BEND4: variants seen among roughly 807,000 people sequenced by gnomAD.
BEND4 encodes the protein BEN domain-containing protein 4.
In BEND4, 27 loss-of-function variants were observed where a neutral mutation model predicts 54.7. The observed-to-expected ratio is 0.49, with a 90% CI of 0.36 to 0.68. The LOEUF is 0.68. Among genes scored for constraint, BEND4 ranks in the 30% least tolerant of loss-of-function variants. The probability of loss-of-function intolerance (pLI) is 0.00; values close to 1 mark genes in which losing one functional copy is unlikely to be tolerated. For missense variants in BEND4, 702 were observed against 697.2 expected (o/e 1.01, Z -0.08); for synonymous variants, 327 against 299.5 (o/e 1.09, Z -0.95).
Position 42,113,118 on chromosome 4 carries a change from T to C in BEND4, c.*4400A>G, listed in dbSNP as rs1360254977. Reference sequence around the variant, plus strand: ...TTTGCCAAACAGTTCTGGCACGTGTTGCCACATTAAACATACACCAGCAAG... The same window carrying C: ...TTTGCCAAACAGTTCTGGCACGTGTCGCCACATTAAACATACACCAGCAAG... On this transcript the variant is annotated 3_prime_UTR_variant, in exon 6 of 6. Coordinates refer to ENST00000502486, the MANE Select transcript of BEND4 (RefSeq NM_207406.4). 1.3e-5 allele frequency: 2 copies of C among 152,248 alleles called. No individual in the cohort carries two copies. Among genetic ancestry groups the C allele is most frequent in the Admixed American group, 1.3e-4 (2 of 15,292 alleles). 9.4% of individuals were successfully genotyped at this position (152,248 alleles called of 1,614,324 possible).
intron 3 of BEND4, 55 bp from the exon 4 acceptor site, chr4:42,125,729 A>G (rs962260154): frequency 8.1e-7 from 1 of 1,234,368 alleles, no homozygotes; most frequent in African/African-American, 1.5e-5. Flanking sequence ...ACATGAAAAT[A>G]AATAAATTTT....
intron 2 of BEND4, among the ~76,000 whole-genome samples, chr4:42,147,986 C>A (rs1721135719): frequency 6.6e-6 from 1 of 152,074 alleles, no homozygotes; most frequent in South Asian, 2.1e-4. Context: ...TAGTGGTAAC[C>A]TTTTGATTTT....
chr4:42,143,167 A>G (rs187948995), intron 3 of BEND4, among the ~76,000 whole-genome samples: 276 of 152,334 alleles, frequency 1.8e-3, no homozygotes, highest in African/African-American at 6.3e-3. Flanking sequence ...TATGGTGTTC[A>G]GGCCTATACA....
chr4:42,139,285 A>G (rs1214688451), intron 3 of BEND4, among the ~76,000 whole-genome samples: 1 of 152,156 alleles, frequency 6.6e-6, no homozygotes, highest in Non-Finnish European at 1.5e-5. Context: ...ATAAAATTTG[A>G]ATTCCCTACA....
intron 2 of BEND4, among the ~76,000 whole-genome samples, chr4:42,150,534 GA>G (rs1313891768): frequency 6.6e-6 from 1 of 152,192 alleles, no homozygotes; most frequent in Non-Finnish European, 1.5e-5. Context: ...TTCCACAGGA[GA>G]AAAAAATAAG....
Position 42,151,688 on chromosome 4 carries a change from A to G in BEND4, c.456T>C (p.Gly152=). The part of the protein sequence containing the change: ...AAAAAGTGGT[G]SDSASLELSA... The stretch of plus-strand genomic sequence containing the variant: ...TGAGCTCCAGGCTGGCGCTGTCGCT[A>G]CCCGTGCCGCCGGTGCCGGCGGCCG... The change falls in exon 2 of 6, where the codon GGT becomes GGC. Residue 152 remains glycine, a synonymous_variant. Transcript: ENST00000502486. The G allele has an allele frequency of 6.9e-7, 1 of 1,456,848 alleles. No homozygotes were observed. 90.2% of individuals were successfully genotyped at this position (1,456,848 alleles called of 1,614,324 possible).
rs539655962 is a variant in BEND4, at chr4:42,112,054, A to G, written c.*5464T>C. The G allele has an allele frequency of 5.1e-4, 78 of 152,334 alleles. No homozygotes were observed. Among genetic ancestry groups the G allele is most frequent in the Admixed American group, 4.3e-3 (66 of 15,292 alleles). The allele number at this position is 152,334 out of a possible 1,614,324, so 9.4% of individuals were successfully genotyped here. On this transcript the variant is annotated 3_prime_UTR_variant, in exon 6 of 6. Coordinates refer to ENST00000502486, the MANE Select transcript of BEND4 (RefSeq NM_207406.4). ...TCGACATACTTTAGTAGTTTTTAGC[A>G]ATACACAAATATCAACTCTCCCTTG...
At chr4:42,123,694 G>GAAAAAAAAAACA (rs1720147616) in intron 4 of BEND4, among the ~76,000 whole-genome samples, 1 of 50,806 alleles carries the variant, frequency 2.0e-5, no homozygotes, top group African/African-American at 7.5e-5. Flanking sequence ...CTGTAATTCA[G>GAAAAAAAAAACA]AAAAAAAAAA....
intron 2 of BEND4, among the ~76,000 whole-genome samples, chr4:42,144,971 C>T (rs1484705144): frequency 6.6e-6 from 1 of 152,146 alleles, no homozygotes; most frequent in Non-Finnish European, 1.5e-5. Context: ...GGGCACTTTT[C>T]AGAGCTGACA....
chr4:42,117,181 C>T lies in BEND4; in HGVS notation c.*337G>A, dbSNP rs916976364. 3 of 190,000 alleles carry T rather than the reference C, an allele frequency of 1.6e-5. No homozygotes were observed. The highest frequency in any genetic ancestry group is 2.3e-5 in the African/African-American group (1 of 42,556). The allele number at this position is 190,000 out of a possible 1,614,324, so 11.8% of individuals were successfully genotyped here. A position where few individuals can be genotyped will look rare whatever the true frequency, so the allele number is the denominator to read the frequency against. On this transcript the variant is annotated 3_prime_UTR_variant, in exon 6 of 6. Coordinates refer to ENST00000502486, the MANE Select transcript of BEND4 (RefSeq NM_207406.4). ...TGGGCAGAAACACTACCCCAGCCTA[C>T]CTTGGGGACTATCTCTGCCCAGGTA...
At chr4:42,135,747 C>T (rs1577759420) in intron 3 of BEND4, among the ~76,000 whole-genome samples, 2 of 152,110 alleles carry the variant, frequency 1.3e-5, no homozygotes, top group East Asian at 3.9e-4. Context: ...TGCACTCCAG[C>T]CTGGGCGACA....
chr4:42,145,025 A>C (rs1721027212), intron 2 of BEND4, among the ~76,000 whole-genome samples: 3 of 152,216 alleles, frequency 2.0e-5, no homozygotes, highest in Admixed American at 2.0e-4. Context: ...CCTTTCCCAG[A>C]ATAATGGCAA....
intron 2 of BEND4, among the ~76,000 whole-genome samples, chr4:42,148,260 C>T (rs115270614): frequency 5.9e-5 from 9 of 152,138 alleles, no homozygotes; most frequent in South Asian, 4.2e-4. Context: ...TTAAAAAATG[C>T]CATCCAATTT....
chr4:42,132,678 T>A (rs1560579346), intron 3 of BEND4, among the ~76,000 whole-genome samples: 1 of 152,014 alleles, frequency 6.6e-6, no homozygotes, highest in Non-Finnish European at 1.5e-5. Flanking sequence ...ACTCCTTACC[T>A]GAGTGATCCA....
chr4:42,139,355 G>T (rs1224995246), intron 3 of BEND4, among the ~76,000 whole-genome samples: 7 of 152,112 alleles, frequency 4.6e-5, no homozygotes, highest in Non-Finnish European at 1.0e-4. Context: ...CTTGCATGTA[G>T]CTGATCATCA....
chr4:42,142,893 A>G (rs1234082645), intron 3 of BEND4, among the ~76,000 whole-genome samples: 2 of 152,200 alleles, frequency 1.3e-5, no homozygotes, highest in East Asian at 1.9e-4. Flanking sequence ...TTCAAAGGAA[A>G]GGCAGGGAAA....
chr4:42,139,556 C>G (rs1187835386), intron 3 of BEND4, among the ~76,000 whole-genome samples: 3 of 149,042 alleles, frequency 2.0e-5, no homozygotes, highest in Admixed American at 6.7e-5. Flanking sequence ...ACTCTCATTT[C>G]AAGAACTGCT....
Position 42,148,612 on chromosome 4 carries a change from A to G in BEND4, c.487+3045T>C, listed in dbSNP as rs1198446818. Among the ~76,000 whole-genome samples the G allele has an allele frequency of 2.0e-5, 3 of 152,346 alleles. No homozygotes were observed. In the East Asian group the frequency reaches 5.8e-4, roughly 29 times the overall value. ...CTGATAGGCTGCCACAGATGTGTAG[A>G]TTTATGAATATTTATATGGTGGTTT... On this transcript the variant is annotated intron_variant, in intron 2 of 5. Transcript: ENST00000502486.
chr4:42,122,641 TA>T (rs1382926793), intron 4 of BEND4, among the ~76,000 whole-genome samples: 5 of 152,134 alleles, frequency 3.3e-5, no homozygotes, highest in Non-Finnish European at 1.5e-5. Context: ...ATCCTTAATT[TA>T]AAAAATGAGA....
Sources: gnomAD v4.1 joint callset for allele counts (sites outside exome capture counted in the v4.1 genomes callset) on GRCh38, gnomAD v4.1.1 for gene constraint, MANE v1.5 for transcripts, NCBI Gene and HGNC (gene_info 2026-07-23, HGNC 2026-07-21) for gene names.